Variants in PPM1D observed in about 807,000 individuals in gnomAD.
PPM1D encodes protein phosphatase 1D.
In PPM1D, 52 loss-of-function variants were observed where a neutral mutation model predicts 58.3. The observed-to-expected ratio is 0.89, with a 90% CI of 0.71 to 1.12. The LOEUF (loss-of-function observed/expected upper bound fraction) is 1.12. Ranked by LOEUF, PPM1D falls within the 50% of genes most tolerant of loss-of-function variation. PPM1D has a pLI of 0.00. For synonymous variants in PPM1D, 278 were observed against 285.1 expected (o/e 0.98, Z 0.25); for missense variants, 564 against 777.2 (o/e 0.73, Z 3.26).
intron 3 of PPM1D, among the ~76,000 whole-genome samples, chr17:60,647,380 C>T (rs1474468419): frequency 6.6e-6 from 1 of 152,018 alleles, no homozygotes; most frequent in Non-Finnish European, 1.5e-5. Flanking sequence ...TTTTCTATGT[C>T]TTGCTATCAT....
intron 1 of PPM1D, among the ~76,000 whole-genome samples, chr17:60,621,153 C>T (rs2030692734): frequency 6.6e-6 from 1 of 151,994 alleles, no homozygotes; most frequent in Non-Finnish European, 1.5e-5. Flanking sequence ...GAACTCCTGA[C>T]CTCAGGTAAT....
At chr17:60,648,757 AC>A (rs1393670836) in intron 4 of PPM1D, among the ~76,000 whole-genome samples, 3 of 137,874 alleles carry the variant, frequency 2.2e-5, no homozygotes, top group African/African-American at 8.6e-5. Context: ...CACCACTACT[AC>A]TTTTTTTTTT....
chr17:60,651,715 G>C (rs2031347025), intron 4 of PPM1D, among the ~76,000 whole-genome samples: 1 of 151,942 alleles, frequency 6.6e-6, no homozygotes, highest in Admixed American at 6.6e-5. Flanking sequence ...AGCCGACAGT[G>C]TTTTTTATTT....
chr17:60,628,095 GC>G (rs750198628), intron 2 of PPM1D, among the ~76,000 whole-genome samples: 4 of 151,380 alleles, frequency 2.6e-5, no homozygotes, highest in Non-Finnish European at 5.9e-5. Context: ...CGATCCACCT[GC>G]CTTGGCCTCC....
Position 60,663,219 on chromosome 17 carries a change from A to G in PPM1D, c.1485A>G (p.Pro495=). 1.9e-6 allele frequency: 3 copies of G among 1,614,180 alleles called. No individual in the cohort carries two copies. Among genetic ancestry groups the G allele is most frequent in the Non-Finnish European group, 1.7e-6 (2 of 1,180,008 alleles). ...ATGATTCTTTGAATAATAGCCTTCCAATTGGCCTTGTGCCTACTAATTCAA... is the reference window on the plus strand; with the variant it reads ...ATGATTCTTTGAATAATAGCCTTCCGATTGGCCTTGTGCCTACTAATTCAA... ...RIHDSLNNSL[P]IGLVPTNSTN... The change falls in exon 6 of 6, where the codon CCA becomes CCG. Residue 495 remains proline, a synonymous_variant. Coordinates refer to ENST00000305921, the MANE Select transcript of PPM1D (RefSeq NM_003620.4).
At position 60,623,656 on chromosome 17, in the gene PPM1D, C is replaced by G. The variant is rs1424685301; in HGVS notation, c.608C>G (p.Pro203Arg). ...SGVVLGIQDDPKDDFVRAVEV... is the reference protein window; with the variant it reads ...SGVVLGIQDDRKDDFVRAVEV... The stretch of plus-strand genomic sequence containing the variant: ...GTGGTTCTTGGAATTCAGGATGACC[C>G]GAAGGATGACTTTGTCAGAGCTGTG... Residue 203 changes from proline (P) to arginine (R), a missense_variant, in exon 2 of 6, where the codon CCG (proline) becomes CGG (arginine). Pro to Arg is a moderately radical substitution (Grantham distance 103). This residue lies in a region of PPM1D where 95 missense variants were observed against 232.6 expected (regional missense o/e 0.41). Coordinates refer to ENST00000305921, the MANE Select transcript of PPM1D (RefSeq NM_003620.4). 1.2e-6 allele frequency: 2 copies of G among 1,614,072 alleles called. No homozygotes were observed. Among genetic ancestry groups the G allele is most frequent in the Non-Finnish European group, 1.7e-6 (2 of 1,180,018 alleles).
intron 4 of PPM1D, among the ~76,000 whole-genome samples, chr17:60,651,390 C>T (rs2143708584): frequency 6.6e-6 from 1 of 150,504 alleles, no homozygotes; most frequent in East Asian, 2.0e-4. Flanking sequence ...GTTCAATTAA[C>T]AGTGTTTTTG....
rs200366164 is a variant in PPM1D at position 60,630,567 on chromosome 17, TC to T, written c.702-3284del. Among the ~76,000 whole-genome samples the T allele has an allele frequency of 7.8e-3, 1,195 of 152,346 alleles. 13 individuals carry two copies. Among genetic ancestry groups the T allele is most frequent in the African/African-American group, 0.027 (1,115 of 41,586 alleles). ...GTCAGCTCTCTGCGTGTCAGGCTGTTCCTTTTTACATGCCTTTTAATCATAT... is the reference window on the plus strand; with the variant it reads ...GTCAGCTCTCTGCGTGTCAGGCTGTTCTTTTTACATGCCTTTTAATCATAT... On this transcript the variant is annotated intron_variant, in intron 2 of 5. Transcript: ENST00000305921.
intron 3 of PPM1D, among the ~76,000 whole-genome samples, chr17:60,647,580 TA>T (rs2031272015): frequency 6.6e-6 from 1 of 152,174 alleles, no homozygotes; most frequent in Non-Finnish European, 1.5e-5. Flanking sequence ...AAGGACTCAG[TA>T]TAGTATTAGA....
chr17:60,617,329 G>A (rs2030604996), intron 1 of PPM1D, among the ~76,000 whole-genome samples: 1 of 151,792 alleles, frequency 6.6e-6, no homozygotes, highest in South Asian at 2.1e-4. Flanking sequence ...ATTTATTGTA[G>A]TAGAAGTTTT....
At chr17:60,657,223 A>G (rs1463657939) in intron 5 of PPM1D, 7 of 567,082 alleles carry the variant, frequency 1.2e-5, no homozygotes, top group Non-Finnish European at 1.6e-5. Flanking sequence ...TAAACTGTCT[A>G]AACAAGGTCA....
rs202110943 is a variant in PPM1D, at chr17:60,656,962, T to G, written c.1260+121T>G. 654 of 1,585,868 alleles carry G rather than the reference T, an allele frequency of 4.1e-4. 1 individual carries two copies. Among genetic ancestry groups the G allele is most frequent in the Non-Finnish European group, 5.4e-4 (630 of 1,172,950 alleles). ...TGGATTTGAACTCGATTCAAGAAAGTGATGTAACTTATTATCAGAGAGCCA... is the reference window on the plus strand; with the variant it reads ...TGGATTTGAACTCGATTCAAGAAAGGGATGTAACTTATTATCAGAGAGCCA... On this transcript the variant is annotated intron_variant, in intron 5 of 5. Coordinates refer to ENST00000305921, the MANE Select transcript of PPM1D (RefSeq NM_003620.4).
chr17:60,649,499 G>T (rs2031306068), intron 4 of PPM1D, among the ~76,000 whole-genome samples: 1 of 151,964 alleles, frequency 6.6e-6, no homozygotes, highest in Non-Finnish European at 1.5e-5. Context: ...AGACCAGCCT[G>T]GCCAACATGA....
At chr17:60,639,653 G>T (rs898203393) in intron 3 of PPM1D, among the ~76,000 whole-genome samples, 5 of 152,148 alleles carry the variant, frequency 3.3e-5, no homozygotes, top group Non-Finnish European at 5.9e-5. Flanking sequence ...GGCCAGGCTG[G>T]TCTCGAACTC....
chr17:60,663,858 A>G lies in PPM1D; in HGVS notation c.*306A>G, dbSNP rs1024998576. ...ATTGTGACAATAGGGCTAAATGTTTAAAGAAATCAAAAGAATCTATTAGAT... is the reference window on the plus strand; with the variant it reads ...ATTGTGACAATAGGGCTAAATGTTTGAAGAAATCAAAAGAATCTATTAGAT... On this transcript the variant is annotated 3_prime_UTR_variant, in exon 6 of 6. Coordinates refer to ENST00000305921, the MANE Select transcript of PPM1D (RefSeq NM_003620.4). 9.8e-6 allele frequency: 2 copies of G among 204,200 alleles called. No individual in the cohort carries two copies. The highest frequency in any genetic ancestry group is 4.6e-5 in the African/African-American group (2 of 43,262). 12.6% of individuals were successfully genotyped at this position (204,200 alleles called of 1,614,324 possible).
chr17:60,641,060 A>G (rs770250413), intron 3 of PPM1D, among the ~76,000 whole-genome samples: 1 of 152,152 alleles, frequency 6.6e-6, no homozygotes. Flanking sequence ...GCTGCAATGA[A>G]CATTTGAGTG....
In PPM1D at chr17:60,656,594, T is replaced by C. The variant is rs770601234; in HGVS notation, c.1018-5T>C. 10 of 1,613,264 alleles carry C rather than the reference T, an allele frequency of 6.2e-6. 1 individual carries two copies. The South Asian group carries it at 1.1e-4, about 18-fold the overall frequency. ...CTTTCCTTCTCCTTGTTCTTTTGAA[T>C]ACAGGGTGAGCATGGACAATCTTGT... On this transcript the variant is annotated splice_region_variant and splice_polypyrimidine_tract_variant and intron_variant, in intron 4 of 5. Transcript: ENST00000305921.
Position 60,647,888 on chromosome 17 carries a change from C to T in PPM1D, c.827-4C>T, listed in dbSNP as rs1453583663. 1 of 1,608,462 alleles carries T rather than the reference C, an allele frequency of 6.2e-7. No individual in the cohort carries two copies. Among genetic ancestry groups the T allele is most frequent in the Admixed American group, 1.7e-5 (1 of 59,694 alleles). On this transcript the variant is annotated splice_polypyrimidine_tract_variant and splice_region_variant and intron_variant, in intron 3 of 5. Coordinates refer to ENST00000305921, the MANE Select transcript of PPM1D (RefSeq NM_003620.4). ...TTCTTGCTTTTTCTGCTCCCTTCCCCCAGGTGATTTGTGGAGCTATGATTT... is the reference window on the plus strand; with the variant it reads ...TTCTTGCTTTTTCTGCTCCCTTCCCTCAGGTGATTTGTGGAGCTATGATTT...
rs183363651 is a variant in PPM1D, at chr17:60,630,880, G to A, written c.702-2973G>A. On this transcript the variant is annotated intron_variant, in intron 2 of 5. Coordinates refer to ENST00000305921, the MANE Select transcript of PPM1D (RefSeq NM_003620.4). The stretch of plus-strand genomic sequence containing the variant: ...AAGATGGTATTAAGGCAGAATGTTG[G>A]CATCTTATAACTCTTGTGTTTCATG... Among the ~76,000 whole-genome samples, 4 of 152,272 alleles carry A rather than the reference G, an allele frequency of 2.6e-5. No individual in the cohort carries two copies. The East Asian group carries it at 7.7e-4, about 29-fold the overall frequency.
Sources: gnomAD v4.1 joint callset for allele counts (sites outside exome capture counted in the v4.1 genomes callset) on GRCh38, gnomAD v4.1.1 for gene constraint, gnomAD v4.1.1 regional missense constraint, MANE v1.5 for transcripts, NCBI Gene and HGNC (gene_info 2026-07-23, HGNC 2026-07-21) for gene names.